The following UNC13C variants were observed in gnomAD, a reference collection of about 807,000 sequenced individuals.
The protein encoded by UNC13C is protein unc-13 homolog C.
UNC13C carries 174 observed loss-of-function variants against 245.4 expected under a neutral mutation model. That is an observed-to-expected ratio of 0.71 (90% CI 0.63 to 0.80). The LOEUF is 0.80. Among genes scored for constraint, UNC13C ranks in the 30% least tolerant of loss-of-function variants. UNC13C has a pLI of 0.00. For missense variants in UNC13C, 2,829 were observed against 2,602.9 expected (o/e 1.09, Z -1.89); for synonymous variants, 992 against 895.1 (o/e 1.11, Z -1.93).
intron 14 of UNC13C, among the ~76,000 whole-genome samples, chr15:54,324,225 A>G (rs182419737): frequency 6.6e-6 from 1 of 152,140 alleles, no homozygotes; most frequent in Non-Finnish European, 1.5e-5. Flanking sequence ...TCCTGCCTCT[A>G]CATTGGAACC....
At chr15:53,958,482 A>G in the UNC13C span, among the ~76,000 whole-genome samples, 2 of 152,152 alleles carry the variant, frequency 1.3e-5, no homozygotes, top group Non-Finnish European at 2.9e-5. Flanking sequence ...CTGTGCTCCA[A>G]GAGAAACTAG....
At chr15:53,888,425 G>C in the UNC13C span, among the ~76,000 whole-genome samples, 1 of 152,028 alleles carries the variant, frequency 6.6e-6, no homozygotes, top group South Asian at 2.1e-4. Flanking sequence ...ATTTGTTTAA[G>C]TTCCTTGTAG....
chr15:54,332,678 A>G (rs1596236320), intron 15 of UNC13C, among the ~76,000 whole-genome samples: 1 of 152,154 alleles, frequency 6.6e-6, no homozygotes, highest in East Asian at 1.9e-4. Context: ...GTATACACAC[A>G]TATAATTTTA....
the UNC13C span, among the ~76,000 whole-genome samples, chr15:53,849,231 C>T: frequency 1.3e-5 from 2 of 151,978 alleles, no homozygotes; most frequent in African/African-American, 2.4e-5. Context: ...TAGAATTAAA[C>T]CTACCATGTT....
chr15:54,460,289 GA>G (rs1301592175), intron 19 of UNC13C, among the ~76,000 whole-genome samples: 2 of 152,218 alleles, frequency 1.3e-5, no homozygotes, highest in African/African-American at 4.8e-5. Context: ...TGCTCCAGTG[GA>G]GGTGGCACAG....
intron 1 of UNC13C, among the ~76,000 whole-genome samples, chr15:53,982,276 A>G (rs1893957332): frequency 6.6e-6 from 1 of 152,104 alleles, no homozygotes; most frequent in Non-Finnish European, 1.5e-5. Context: ...TCTGGGTGCA[A>G]TATGTCTTTT....
chr15:54,260,614 T>A (rs1355471355), intron 8 of UNC13C, among the ~76,000 whole-genome samples: 1 of 148,706 alleles, frequency 6.7e-6, no homozygotes, highest in Admixed American at 6.7e-5. Context: ...TGTATGTATA[T>A]GTATATACAT....
At chr15:53,892,325 A>G in the UNC13C span, among the ~76,000 whole-genome samples, 1 of 152,042 alleles carries the variant, frequency 6.6e-6, no homozygotes, top group South Asian at 2.1e-4. Context: ...CTTCATTTCA[A>G]CCTTGGTGAA....
intron 22 of UNC13C, among the ~76,000 whole-genome samples, chr15:54,502,726 G>GGGTTAATATATTTA (rs138320724): frequency 1.3e-5 from 2 of 151,922 alleles, no homozygotes; most frequent in Admixed American, 6.6e-5. Flanking sequence ...AAAAATCTCA[G>GGGTTAATATATTTA]GGTTAATATA....
At chr15:54,305,407 G>A (rs558695460) in intron 13 of UNC13C, among the ~76,000 whole-genome samples, 4 of 151,980 alleles carry the variant, frequency 2.6e-5, no homozygotes, top group Non-Finnish European at 5.9e-5. Flanking sequence ...TTGAAATACA[G>A]CTTTCAGAGA....
intron 2 of UNC13C, among the ~76,000 whole-genome samples, chr15:54,105,220 A>G (rs1045152094): frequency 6.6e-6 from 1 of 152,212 alleles, no homozygotes; most frequent in African/African-American, 2.4e-5. Context: ...TCTCATGAGA[A>G]TAAACCTTGG....
chr15:54,313,956 A>G (rs890098227), intron 13 of UNC13C, among the ~76,000 whole-genome samples: 1 of 151,804 alleles, frequency 6.6e-6, no homozygotes, highest in African/African-American at 2.4e-5. Context: ...CTTAAAAAAA[A>G]GAATGAAATC....
At chr15:54,533,506 A>G (rs1277332186) in intron 26 of UNC13C, among the ~76,000 whole-genome samples, 4 of 152,238 alleles carry the variant, frequency 2.6e-5, no homozygotes, top group Non-Finnish European at 4.4e-5. Context: ...AGAGGCAAGC[A>G]GATAGCTGCC....
chr15:53,903,111 A>T, the UNC13C span, among the ~76,000 whole-genome samples: 1 of 152,216 alleles, frequency 6.6e-6, no homozygotes, highest in Admixed American at 6.5e-5. Context: ...ATTCTCCAAC[A>T]CAGAGGATAA....
At chr15:54,138,351 T>C (rs895335996) in intron 2 of UNC13C, among the ~76,000 whole-genome samples, 2 of 152,126 alleles carry the variant, frequency 1.3e-5, no homozygotes, top group African/African-American at 4.8e-5. Flanking sequence ...TAAGAGAATA[T>C]GAATGAATAT....
chr15:54,247,765 G>GT (rs78152864), intron 7 of UNC13C, among the ~76,000 whole-genome samples: 3,572 of 143,990 alleles, frequency 0.025, 145 homozygotes, highest in African/African-American at 0.081. Context: ...AATGTTTCAT[G>GT]TTTTTTTTTT....
chr15:54,510,975 A>G (rs980070641), intron 23 of UNC13C, among the ~76,000 whole-genome samples: 1 of 152,262 alleles, frequency 6.6e-6, no homozygotes, highest in Admixed American at 6.5e-5. Flanking sequence ...TTATTATTAT[A>G]TTATCTGGCT....
At chr15:53,906,201 G>C in the UNC13C span, among the ~76,000 whole-genome samples, 1 of 152,040 alleles carries the variant, frequency 6.6e-6, no homozygotes, top group Non-Finnish European at 1.5e-5. Context: ...TGGTGCATGC[G>C]TGTAGTCCCA....
chr15:54,343,339 G>C (rs113621827), intron 17 of UNC13C, among the ~76,000 whole-genome samples: 4 of 152,020 alleles, frequency 2.6e-5, no homozygotes, highest in African/African-American at 9.7e-5. Context: ...CACCACGTTA[G>C]CCAGGCTGGG....
Sources: gnomAD v4.1 joint callset for allele counts (sites outside exome capture counted in the v4.1 genomes callset) on GRCh38, gnomAD v4.1.1 for gene constraint, MANE v1.5 for transcripts, NCBI Gene and HGNC (gene_info 2026-07-23, HGNC 2026-07-21) for gene names.